The following TAOK3 variants were observed in gnomAD, a reference collection of about 807,000 sequenced individuals.
TAOK3 encodes the protein serine/threonine-protein kinase TAO3.
In TAOK3, 40 loss-of-function variants were observed where a neutral mutation model predicts 120.4. The ratio of observed to expected loss-of-function variants is 0.33; its 90% CI spans 0.26 to 0.43. TAOK3 has a LOEUF of 0.43. Among genes scored for constraint, TAOK3 ranks in the 20% least tolerant of loss-of-function variants. TAOK3 has a pLI of 1.00. For synonymous variants in TAOK3, 355 were observed against 387.5 expected (o/e 0.92, Z 0.99); for missense variants, 821 against 1,112.1 (o/e 0.74, Z 3.72).
chr12:118,229,689 T>G (rs1200116504), intron 9 of TAOK3, among the ~76,000 whole-genome samples: 1 of 152,118 alleles, frequency 6.6e-6, no homozygotes, highest in Non-Finnish European at 1.5e-5. Flanking sequence ...CCCAGCACTT[T>G]GGAAGGCTGA....
chr12:118,161,851 C>T lies in TAOK3; in HGVS notation c.2076G>A (p.Arg692=), dbSNP rs535535786. Residue 692 remains arginine (R), a synonymous_variant, in exon 18 of 21, where the codon AGG becomes AGA. Coordinates refer to ENST00000392533, the MANE Select transcript of TAOK3 (RefSeq NM_016281.4). The surrounding 1 kb of genome is among the most constrained non-coding windows in gnomAD (Gnocchi z 4.5). ...ELENQLEYNK[R]RERELHRKHV... ...GCTTTCTGTGCAGTTCTCTTTCTCG[C>T]CTCTTATTGTACTCCAGCTGGTTTT... The T allele has an allele frequency of 8.1e-6, 13 of 1,614,122 alleles. No homozygotes were observed. The South Asian group carries it at 1.4e-4, about 18-fold the overall frequency.
intron 1 of TAOK3, among the ~76,000 whole-genome samples, chr12:118,327,902 C>A (rs2043995368): frequency 6.6e-6 from 1 of 152,140 alleles, no homozygotes; most frequent in Admixed American, 6.5e-5. Context: ...TTCTGAATCC[C>A]AACAGGACCC....
chr12:118,265,908 CCTT>C (rs2041427292), intron 2 of TAOK3, among the ~76,000 whole-genome samples: 1 of 152,042 alleles, frequency 6.6e-6, no homozygotes, highest in African/African-American at 2.4e-5. Flanking sequence ...TTTTTTATTT[CCTT>C]CTTTTTGTTT....
At chr12:118,244,998 A>C in intron 3 of TAOK3, 33 bp from the exon 4 acceptor site, 1 of 1,457,826 alleles carries the variant, frequency 6.9e-7, no homozygotes. Context: ...AAAGAAAAAG[A>C]ATTAGTGATG....
intron 9 of TAOK3, among the ~76,000 whole-genome samples, chr12:118,217,646 T>C (rs2139569117): frequency 6.6e-6 from 1 of 150,928 alleles, no homozygotes; most frequent in Admixed American, 6.6e-5. Flanking sequence ...ATCATGCCAC[T>C]GCACTCCAGC....
At chr12:118,365,177 A>G (rs940891870) in intron 1 of TAOK3, among the ~76,000 whole-genome samples, 4 of 152,202 alleles carry the variant, frequency 2.6e-5, no homozygotes, top group African/African-American at 9.6e-5. Flanking sequence ...TATGTAGCAG[A>G]TGAATAATGC....
intron 9 of TAOK3, 182 bp from the exon 10 acceptor site, chr12:118,214,292 G>A (rs2038773936): frequency 5.7e-6 from 3 of 523,164 alleles, no homozygotes; most frequent in Non-Finnish European, 9.9e-6. Context: ...AGAAGCTGCC[G>A]GACATTAAAT....
chr12:118,243,437 T>C lies in TAOK3; in HGVS notation c.272A>G (p.Tyr91Cys), dbSNP rs2040341029. ...TACCCAAGCAGTGTGTTCTTTCAAG[T>C]AACAGCCTTTGTACTCAATAGTATT... ...HPNTIEYKGC[Y>C]LKEHTAWLVM... Residue 91 changes from tyrosine to cysteine, a missense_variant, in exon 5 of 21, where the codon TAC becomes TGC. Physicochemically the swap from Tyr to Cys is radical, Grantham distance 194. This residue lies in a region of TAOK3 where 467 missense variants were observed against 540.0 expected (regional missense o/e 0.86). Transcript: ENST00000392533. 1.9e-6 allele frequency: 3 copies of C among 1,572,026 alleles called. No individual in the cohort carries two copies. The highest frequency in any genetic ancestry group is 2.6e-6 in the Non-Finnish European group (3 of 1,163,016).
chr12:118,191,997 G>A (rs1041617328), intron 13 of TAOK3, among the ~76,000 whole-genome samples: 7 of 152,130 alleles, frequency 4.6e-5, no homozygotes, highest in African/African-American at 1.7e-4. Context: ...GTTTCACATT[G>A]TAATAACTTG....
At chr12:118,294,064 C>G (rs1266665844) in intron 1 of TAOK3, among the ~76,000 whole-genome samples, 1 of 151,684 alleles carries the variant, frequency 6.6e-6, no homozygotes, top group Non-Finnish European at 1.5e-5. Context: ...TGTCATGAAC[C>G]AAGTAGACAG....
intron 2 of TAOK3, among the ~76,000 whole-genome samples, chr12:118,265,253 G>A (rs1033777865): frequency 2.0e-5 from 3 of 152,102 alleles, no homozygotes; most frequent in Middle Eastern, 6.8e-3. Context: ...GCCGGGCATG[G>A]TGGCGCTTGC....
At chr12:118,152,785 TAAC>T (rs2034545399) in intron 19 of TAOK3, 1 of 172,506 alleles carries the variant, frequency 5.8e-6, no homozygotes, top group Non-Finnish European at 1.2e-5. Flanking sequence ...CTCAAGAAAA[TAAC>T]AAGAATAGTT....
chr12:118,283,851 C>G (rs2140444060), intron 1 of TAOK3: 1 of 159,702 alleles, frequency 6.3e-6, no homozygotes, highest in East Asian at 1.9e-4. Context: ...ACTTAAATGT[C>G]TGTTCTGCGG....
intron 1 of TAOK3, among the ~76,000 whole-genome samples, chr12:118,323,447 A>G (rs1285074164): frequency 6.6e-6 from 1 of 152,164 alleles, no homozygotes; most frequent in Non-Finnish European, 1.5e-5. Context: ...AAAAAATAAA[A>G]CCATTAAGCC....
At chr12:118,288,915 CAA>C (rs34740967) in intron 1 of TAOK3, among the ~76,000 whole-genome samples, 12,354 of 94,334 alleles carry the variant, frequency 0.13, 604 homozygotes, top group Middle Eastern at 0.2. Flanking sequence ...GACTCTATCT[CAA>C]AAAAAAAAAA....
intron 20 of TAOK3, 102 bp from the exon 21 acceptor site, chr12:118,151,260 ATAGGCACACACATGAAGTGCGCGCGCGCG>A: frequency 8.2e-7 from 1 of 1,219,594 alleles, no homozygotes; most frequent in Non-Finnish European, 1.2e-6. Context: ...GCACACACAC[ATAGGCACACACATGAAGTGCGCGCGCGCG>A]CACACACACA....
chr12:118,199,331 G>T, intron 12 of TAOK3, 74 bp from the exon 13 acceptor site: 2 of 1,235,974 alleles, frequency 1.6e-6, no homozygotes, highest in Non-Finnish European at 1.2e-6. Context: ...AAAGTGTCAA[G>T]CACACTCAAT....
intron 1 of TAOK3, among the ~76,000 whole-genome samples, chr12:118,277,611 C>A (rs941904155): frequency 2.0e-5 from 3 of 152,004 alleles, no homozygotes; most frequent in Admixed American, 6.6e-5. Flanking sequence ...CAGGCGCGCA[C>A]CACCATGCCT....
intron 1 of TAOK3, among the ~76,000 whole-genome samples, chr12:118,364,837 G>A (rs1365423704): frequency 1.3e-5 from 2 of 152,092 alleles, no homozygotes; most frequent in African/African-American, 4.8e-5. Flanking sequence ...TCTGGGAGGC[G>A]GATGTTGCAG....
Sources: gnomAD v4.1 joint callset for allele counts (sites outside exome capture counted in the v4.1 genomes callset) on GRCh38, gnomAD v4.1.1 for gene constraint, gnomAD v4.1.1 regional missense constraint, Gnocchi (gnomAD v3.1) non-coding constraint, MANE v1.5 for transcripts, NCBI Gene and HGNC (gene_info 2026-07-23, HGNC 2026-07-21) for gene names.